The following BSDC1 variants were observed in gnomAD, a reference collection of about 807,000 sequenced individuals.
BSDC1 encodes the protein BSD domain-containing protein 1.
Under a neutral mutation model 56.0 loss-of-function variants are expected in BSDC1, and 29 were observed. The ratio of observed to expected loss-of-function variants is 0.52; its 90% CI spans 0.39 to 0.71. BSDC1 has a LOEUF of 0.71. Ranked by LOEUF, BSDC1 falls within the 30% of genes least tolerant of loss-of-function variation. The probability of loss-of-function intolerance (pLI) is 0.00; values close to 1 mark genes in which losing one functional copy is unlikely to be tolerated. For synonymous variants in BSDC1, 210 were observed against 215.3 expected, an observed-to-expected ratio of 0.98 and a Z score of 0.21; for missense variants, 477 against 548.5, an observed-to-expected ratio of 0.87 and a Z score of 1.30.
intron 9 of BSDC1, among the ~76,000 whole-genome samples, chr1:32,370,803 CAAAAAAAAAA>C (rs58351365): frequency 8.0e-5 from 4 of 50,130 alleles, no homozygotes; most frequent in South Asian, 1.1e-3. Context: ...GACTCCGTCT[CAAAAAAAAAA>C]AAAAAAAAAA....
At chr1:32,385,624 G>A (rs914181896) in intron 3 of BSDC1, among the ~76,000 whole-genome samples, 4 of 152,144 alleles carry the variant, frequency 2.6e-5, no homozygotes, top group Non-Finnish European at 5.9e-5. Context: ...CTATTTGGGA[G>A]GCTGAGGTGG....
chr1:32,392,150 G>A (rs1196496941), intron 2 of BSDC1, among the ~76,000 whole-genome samples: 1 of 152,014 alleles, frequency 6.6e-6, no homozygotes, highest in Non-Finnish European at 1.5e-5. Flanking sequence ...TGGCCAACAT[G>A]GTGAAACCCT....
chr1:32,376,528 T>C lies in BSDC1; in HGVS notation c.890A>G (p.Glu297Gly). ...TQIANPATAP[E>G]ARVLPKDLSQ... ...CAGGTCCTTGGGTAGCACTCGTGCC[T>C]CAGGTGCAGTGGCCGGGTTGGCGAT... is the stretch of plus-strand genomic sequence containing the variant. The change falls in exon 9 of 11, where the codon GAG (glutamate) becomes GGG (glycine). Residue 297 changes from glutamate to glycine, a missense_variant. Physicochemically the swap from Glu to Gly is moderately conservative, Grantham distance 98. Coordinates refer to ENST00000455895, the MANE Select transcript of BSDC1 (RefSeq NM_018045.8). The C allele has an allele frequency of 1.3e-6, 2 of 1,577,814 alleles. No homozygotes were observed. Among genetic ancestry groups the C allele is most frequent in the Non-Finnish European group, 1.7e-6 (2 of 1,155,778 alleles).
rs772785486 is a variant in BSDC1, at chr1:32,383,941, T to C, written c.246A>G (p.Leu82=). 1 of 1,612,926 alleles carries C rather than the reference T, an allele frequency of 6.2e-7. No individual in the cohort carries two copies. The highest frequency in any genetic ancestry group is 8.5e-7 in the Non-Finnish European group (1 of 1,179,984). The change falls in exon 4 of 11, where the codon CTA becomes CTG. Residue 82 remains leucine, a synonymous_variant. Coordinates refer to ENST00000455895, the MANE Select transcript of BSDC1 (RefSeq NM_018045.8). The part of the protein sequence containing the change: ...EKMKKGLSDF[L]GVISDTFAPS... ...GGGCAAAGGTGTCTGAGATCACCCC[T>C]AGGAAGTCAGATAACCCTTTCTTCA...
intron 9 of BSDC1, among the ~76,000 whole-genome samples, chr1:32,373,087 T>C (rs1642151164): frequency 6.6e-6 from 1 of 152,220 alleles, no homozygotes; most frequent in Admixed American, 6.5e-5. Flanking sequence ...GACCAAGCCT[T>C]ATGTCACCCT....
rs1642576269 is a variant in BSDC1 at position 32,383,939 on chromosome 1, C to T, written c.248G>A (p.Gly83Glu). Residue 83 changes from glycine (G) to glutamate (E), a missense_variant, in exon 4 of 11, where the codon GGG becomes GAG. Coordinates refer to ENST00000455895, the MANE Select transcript of BSDC1 (RefSeq NM_018045.8). ...KMKKGLSDFL[G>E]VISDTFAPSP... is the part of the protein sequence containing the mutation. ...AGGGGCAAAGGTGTCTGAGATCACC[C>T]CTAGGAAGTCAGATAACCCTTTCTT... is the stretch of plus-strand genomic sequence containing the variant. The T allele has an allele frequency of 2.5e-6, 4 of 1,612,770 alleles. No homozygotes were observed. The African/African-American group carries it at 4.0e-5, about 16-fold the overall frequency.
intron 9 of BSDC1, among the ~76,000 whole-genome samples, chr1:32,370,676 G>A (rs978156894): frequency 1.9e-4 from 29 of 151,592 alleles, no homozygotes; most frequent in African/African-American, 4.4e-4. Flanking sequence ...GGTGGCAAGC[G>A]CCTGTTAGTC....
chr1:32,368,092 G>C lies in BSDC1; in HGVS notation c.1260+355C>G. ...TCACTATATTGGCCAGGCTGGTCTT[G>C]AACTCCTCGCCTCAAGCAATCCTCC... On this transcript the variant is annotated intron_variant, in intron 10 of 10. Transcript: ENST00000455895. 3 of 1,288,680 alleles carry C rather than the reference G, an allele frequency of 2.3e-6. No individual in the cohort carries two copies. In the African/African-American group the frequency reaches 4.7e-5, roughly 20 times the overall value. The allele number at this position is 1,288,680 out of a possible 1,614,324, so 79.8% of individuals were successfully genotyped here. A position where few individuals can be genotyped will look rare whatever the true frequency, so the allele number is the denominator to read the frequency against.
chr1:32,371,977 C>A (rs1235474484), intron 9 of BSDC1, among the ~76,000 whole-genome samples: 1 of 152,226 alleles, frequency 6.6e-6, no homozygotes, highest in Non-Finnish European at 1.5e-5. Context: ...CACCCCCAGT[C>A]CCAACTAAGA....
intron 10 of BSDC1, 92 bp downstream of exon 10, chr1:32,368,355 C>T (rs746505893): frequency 1.2e-6 from 2 of 1,614,102 alleles, no homozygotes; most frequent in Non-Finnish European, 1.7e-6. Flanking sequence ...GGAGCAGGGA[C>T]CCTCCTGAGG....
Position 32,376,696 on chromosome 1 carries a change from A to G in BSDC1, c.722T>C (p.Val241Ala). The change falls in exon 9 of 11, where the codon GTT (valine) becomes GCT (alanine). Residue 241 changes from valine to alanine, a missense_variant. Val to Ala is a moderately conservative substitution (Grantham distance 64). Transcript: ENST00000455895. ...ISPISPKEAK[V>A]PVAKISTFPE... Reference sequence around the variant, plus strand: ...GAATGTAGAAATTTTGGCCACAGGAACCTTTGCCTCTTTTGGAGATATGGG... The same window carrying G: ...GAATGTAGAAATTTTGGCCACAGGAGCCTTTGCCTCTTTTGGAGATATGGG... 7.0e-7 allele frequency: 1 copy of G among 1,425,620 alleles called. No individual in the cohort carries two copies. The highest frequency in any genetic ancestry group is 9.3e-7 in the Non-Finnish European group (1 of 1,078,570). The allele number at this position is 1,425,620 out of a possible 1,614,324, so 88.3% of individuals were successfully genotyped here. A position where few individuals can be genotyped will look rare whatever the true frequency, so the allele number is the denominator to read the frequency against.
In BSDC1 at chr1:32,364,878, C is replaced by T. The variant is rs145156835; in HGVS notation, c.*1744G>A. Among the ~76,000 whole-genome samples the T allele has an allele frequency of 2.0e-4, 30 of 152,372 alleles. No homozygotes were observed. The highest frequency in any genetic ancestry group is 8.3e-4 in the South Asian group (4 of 4,830). ...TCCTTTCCAAAGGAAAGCAGAGGCA[C>T]TGGGAGTGCAGAGATGGCCTCCCGA... is the stretch of plus-strand genomic sequence containing the variant. On this transcript the variant is annotated 3_prime_UTR_variant, in exon 11 of 11. Transcript: ENST00000455895.
At position 32,394,386 on chromosome 1, in the gene BSDC1, G is replaced by A. The variant is rs747188423; in HGVS notation, c.11+18C>T. ...AGAATTCAGGCCCCAACGCCTAGGA[G>A]CAAAACGACAAGCTCACCCTTCCGC... On this transcript the variant is annotated intron_variant, in intron 1 of 10. Coordinates refer to ENST00000455895, the MANE Select transcript of BSDC1 (RefSeq NM_018045.8). The A allele has an allele frequency of 4.3e-6, 7 of 1,613,934 alleles. No individual in the cohort carries two copies. In the South Asian group the frequency reaches 5.5e-5, roughly 13 times the overall value.
chr1:32,367,528 T>C, intron 10 of BSDC1: 5 of 985,434 alleles, frequency 5.1e-6, no homozygotes, highest in Non-Finnish European at 6.0e-6. Context: ...AACAGGCTCA[T>C]AAGTTACATG....
At chr1:32,392,656 G>A (rs1483656959) in intron 2 of BSDC1, among the ~76,000 whole-genome samples, 1 of 152,164 alleles carries the variant, frequency 6.6e-6, no homozygotes, top group Non-Finnish European at 1.5e-5. Context: ...CAAATGTTAG[G>A]GTGCAAGCCT....
At chr1:32,368,258 G>A in intron 10 of BSDC1, 189 bp downstream of exon 10, 5 of 1,518,992 alleles carry the variant, frequency 3.3e-6, no homozygotes, top group Non-Finnish European at 4.4e-6. Context: ...CCCTGGAACT[G>A]AGGAAAAGTG....
At position 32,376,745 on chromosome 1, in the gene BSDC1, T is replaced by C. The variant is rs773932752; in HGVS notation, c.677-4A>G. ...GGTGAAATGCCCATGAGCTCCTCTG[T>C]AGAGAGAGAAAGGGAGGGGCAAGAG... On this transcript the variant is annotated splice_polypyrimidine_tract_variant and splice_region_variant and intron_variant, in intron 8 of 10. Coordinates refer to ENST00000455895, the MANE Select transcript of BSDC1 (RefSeq NM_018045.8). 7 of 1,363,152 alleles carry C rather than the reference T, an allele frequency of 5.1e-6. No individual in the cohort carries two copies. The highest frequency in any genetic ancestry group is 3.8e-6 in the Non-Finnish European group (4 of 1,047,406). 84.4% of individuals were successfully genotyped at this position (1,363,152 alleles called of 1,614,324 possible).
rs766684177 is a variant in BSDC1, at chr1:32,384,087, C to G, written c.190-90G>C. 1.1e-5 allele frequency: 17 copies of G among 1,580,660 alleles called. No homozygotes were observed. The East Asian group carries it at 3.6e-4, about 33-fold the overall frequency. The stretch of plus-strand genomic sequence containing the variant: ...GTAAAACATTGGGGCAAAGGTGTAC[C>G]GTGTGTTGGGGGACCAGGGAAGCGC... On this transcript the variant is annotated intron_variant, in intron 3 of 10. Coordinates refer to ENST00000455895, the MANE Select transcript of BSDC1 (RefSeq NM_018045.8).
intron 4 of BSDC1, among the ~76,000 whole-genome samples, chr1:32,381,794 C>T (rs187627676): frequency 1.3e-5 from 2 of 152,290 alleles, no homozygotes; most frequent in Admixed American, 6.5e-5. Context: ...TATGTGTAAG[C>T]GGTCTGGTGA....
Sources: gnomAD v4.1 joint callset for allele counts (sites outside exome capture counted in the v4.1 genomes callset) on GRCh38, gnomAD v4.1.1 for gene constraint, MANE v1.5 for transcripts, NCBI Gene and HGNC (gene_info 2026-07-23, HGNC 2026-07-21) for gene names.